Variants in FAF1 observed in about 807,000 individuals in gnomAD.
The protein encoded by FAF1 is FAS-associated factor 1.
FAF1 carries 25 observed loss-of-function variants against 92.5 expected under a neutral mutation model. The observed-to-expected ratio is 0.27, with a 90% CI of 0.20 to 0.38. The LOEUF (loss-of-function observed/expected upper bound fraction) is 0.38, where lower values mean the gene tolerates loss of function less well. Ranked by LOEUF, FAF1 falls within the 10% of genes least tolerant of loss-of-function variation. FAF1 has a pLI of 1.00. For synonymous variants in FAF1, 234 were observed against 273.2 expected (o/e 0.86, Z 1.42); for missense variants, 636 against 793.3 (o/e 0.80, Z 2.38).
At chr1:50,927,138 T>G (rs1169052495) in intron 1 of FAF1, among the ~76,000 whole-genome samples, 1 of 152,074 alleles carries the variant, frequency 6.6e-6, no homozygotes, top group South Asian at 2.1e-4. Context: ...TCAATAGAGT[T>G]TGGGAAGATG....
chr1:50,759,620 A>G (rs934914846), intron 4 of FAF1, among the ~76,000 whole-genome samples: 11 of 152,110 alleles, frequency 7.2e-5, no homozygotes, highest in African/African-American at 1.9e-4. Flanking sequence ...ATACGTGTGC[A>G]TGTGTCTTTA....
At chr1:50,889,117 A>C (rs1644696588) in intron 1 of FAF1, among the ~76,000 whole-genome samples, 1 of 152,222 alleles carries the variant, frequency 6.6e-6, no homozygotes, top group Admixed American at 6.5e-5. Context: ...CGAGGAATTT[A>C]ACCATTTCTT....
chr1:50,617,604 T>C (rs1463343175), intron 8 of FAF1, among the ~76,000 whole-genome samples: 1 of 152,078 alleles, frequency 6.6e-6, no homozygotes, highest in African/African-American at 2.4e-5. Context: ...TTGGCCTTAC[T>C]TCTCTTTCTT....
At chr1:50,641,883 G>A (rs1012175449) in intron 8 of FAF1, among the ~76,000 whole-genome samples, 3 of 152,090 alleles carry the variant, frequency 2.0e-5, no homozygotes, top group African/African-American at 7.2e-5. Context: ...AATTATTACA[G>A]AATCTCTTTT....
chr1:50,818,697 A>AT (rs1644001405), intron 2 of FAF1, among the ~76,000 whole-genome samples: 1 of 151,982 alleles, frequency 6.6e-6, no homozygotes, highest in Non-Finnish European at 1.5e-5. Context: ...TGGATTTTGG[A>AT]TTTTTTCAGA....
At chr1:50,896,008 C>T (rs1570112604) in intron 1 of FAF1, among the ~76,000 whole-genome samples, 1 of 152,162 alleles carries the variant, frequency 6.6e-6, no homozygotes, top group African/African-American at 2.4e-5. Context: ...CCCACTTTCA[C>T]CACTGCTATT....
intron 2 of FAF1, among the ~76,000 whole-genome samples, chr1:50,844,752 G>A (rs1219067835): frequency 1.3e-5 from 2 of 151,960 alleles, no homozygotes; most frequent in African/African-American, 2.4e-5. Context: ...TTATGGGTAT[G>A]AGATGGTGTG....
At chr1:50,954,188 C>G (rs141384473) in intron 1 of FAF1, among the ~76,000 whole-genome samples, 224 of 152,208 alleles carry the variant, frequency 1.5e-3, no homozygotes, top group Middle Eastern at 3.4e-3. Context: ...ACCTCGTGAT[C>G]CACCTGCCTC....
chr1:50,919,351 A>G (rs1557589179), intron 1 of FAF1, among the ~76,000 whole-genome samples: 2 of 152,144 alleles, frequency 1.3e-5, no homozygotes, highest in Non-Finnish European at 2.9e-5. Context: ...TAAATGTAAG[A>G]CTTTTTTTAT....
chr1:50,641,837 TA>T (rs748990327), intron 8 of FAF1, among the ~76,000 whole-genome samples: 68 of 152,236 alleles, frequency 4.5e-4, no homozygotes, highest in Non-Finnish European at 9.0e-4. Context: ...CATACACATT[TA>T]GGATCATTCT....
intron 2 of FAF1, among the ~76,000 whole-genome samples, chr1:50,854,591 A>T (rs1232624134): frequency 1.3e-5 from 2 of 151,928 alleles, no homozygotes; most frequent in Non-Finnish European, 2.9e-5. Context: ...CAGTTACCCC[A>T]AAATAAGTGG....
chr1:50,810,769 C>T (rs1024552056), intron 2 of FAF1, among the ~76,000 whole-genome samples: 18 of 152,256 alleles, frequency 1.2e-4, no homozygotes, highest in African/African-American at 4.3e-4. Flanking sequence ...AATGGTCAGG[C>T]CAGGCACGGT....
At chr1:50,948,404 A>G (rs1387641633) in intron 1 of FAF1, among the ~76,000 whole-genome samples, 1 of 152,228 alleles carries the variant, frequency 6.6e-6, no homozygotes, top group African/African-American at 2.4e-5. Flanking sequence ...GGAGCTTACA[A>G]TCATGGTGTA....
At chr1:50,546,474 T>C (rs1489570195) in intron 13 of FAF1, among the ~76,000 whole-genome samples, 2 of 152,158 alleles carry the variant, frequency 1.3e-5, no homozygotes, top group African/African-American at 2.4e-5. Flanking sequence ...CAAGCGATTC[T>C]CCTGCCTCAG....
chr1:50,933,408 C>T (rs528440178), intron 1 of FAF1, among the ~76,000 whole-genome samples: 12 of 152,324 alleles, frequency 7.9e-5, no homozygotes, highest in African/African-American at 1.4e-4. Flanking sequence ...CACAATGCCA[C>T]CAGTCTCTTT....
Position 50,590,703 on chromosome 1 carries a change from C to T in FAF1, c.840+5418G>A, listed in dbSNP as rs1442405182. Among the ~76,000 whole-genome samples, 7 of 151,422 alleles carry T rather than the reference C, an allele frequency of 4.6e-5. No homozygotes were observed. The South Asian group carries it at 6.3e-4, about 14-fold the overall frequency. ...AATGGTGAAAGGGGTCATTCTTGGC[C>T]GGGCGCCGTGGCTCACGCCTGTAAT... On this transcript the variant is annotated intron_variant, in intron 9 of 18. Transcript: ENST00000396153.
intron 1 of FAF1, among the ~76,000 whole-genome samples, chr1:50,952,944 G>T (rs184773571): frequency 0.086 from 13,152 of 152,224 alleles, 585 homozygotes; most frequent in African/African-American, 0.098. Context: ...CGGTTTTGTC[G>T]AATAGAAAAG....
intron 13 of FAF1, among the ~76,000 whole-genome samples, chr1:50,545,292 C>T (rs1385662421): frequency 6.6e-6 from 1 of 151,858 alleles, no homozygotes; most frequent in Non-Finnish European, 1.5e-5. Flanking sequence ...TATATATATT[C>T]GAGATGGAGT....
intron 1 of FAF1, among the ~76,000 whole-genome samples, chr1:50,900,869 T>A (rs1014695592): frequency 4.6e-5 from 7 of 152,140 alleles, no homozygotes; most frequent in African/African-American, 1.7e-4. Flanking sequence ...ATGCTATGTA[T>A]AACTATATAG....
Sources: allele counts gnomAD v4.1 joint callset (sites outside exome capture counted in the v4.1 genomes callset), GRCh38; gene constraint gnomAD v4.1.1; transcripts MANE v1.5; gene names NCBI Gene and HGNC (gene_info 2026-07-23, HGNC 2026-07-21).